Variants in RTN1 observed in about 807,000 individuals in gnomAD.
RTN1 encodes the protein reticulon 1.
In RTN1, 25 loss-of-function variants were observed where a neutral mutation model predicts 65.5. The ratio of observed to expected loss-of-function variants is 0.38; its 90% CI spans 0.28 to 0.53. The LOEUF (loss-of-function observed/expected upper bound fraction) is 0.53. RTN1 is among the 20% of genes least tolerant of loss of function. RTN1 has a pLI of 0.79. For missense variants in RTN1, 983 were observed against 1,025.4 expected (o/e 0.96, Z 0.57); for synonymous variants, 471 against 447.6 (o/e 1.05, Z -0.66).
chr14:59,669,655 A>T (rs145890397), intron 3 of RTN1, among the ~76,000 whole-genome samples: 184 of 152,254 alleles, frequency 1.2e-3, no homozygotes, highest in African/African-American at 4.2e-3. Context: ...TCTTATGATC[A>T]TGAGGAGATG....
chr14:59,762,267 T>G (rs749702396), intron 1 of RTN1, among the ~76,000 whole-genome samples: 2 of 152,152 alleles, frequency 1.3e-5, no homozygotes, highest in Non-Finnish European at 2.9e-5. Context: ...TGACCTTTAA[T>G]AAGTCATTAA....
intron 1 of RTN1, among the ~76,000 whole-genome samples, chr14:59,772,805 G>T (rs1885984231): frequency 8.0e-6 from 1 of 125,412 alleles, no homozygotes; most frequent in Non-Finnish European, 1.7e-5. Context: ...GTCAAAAAAG[G>T]ACTGGGTTTT....
chr14:59,625,859 G>A (rs187101666), intron 3 of RTN1, among the ~76,000 whole-genome samples: 12 of 152,138 alleles, frequency 7.9e-5, no homozygotes, highest in Admixed American at 5.9e-4. Flanking sequence ...ATTTTTCAAT[G>A]GAGTGATTGA....
At chr14:59,809,375 A>T (rs1174675968) in intron 1 of RTN1, among the ~76,000 whole-genome samples, 3 of 151,718 alleles carry the variant, frequency 2.0e-5, no homozygotes, top group Admixed American at 6.6e-5. Flanking sequence ...TATAAACTCA[A>T]TATATTTAGA....
chr14:59,606,102 T>TTATATATATATATATATATATATATA (rs1566658026), intron 4 of RTN1: 1 of 51,688 alleles, frequency 1.9e-5, no homozygotes, highest in African/African-American at 1.1e-4. Context: ...GGGAAAAACA[T>TTATATATATATATATATATATATATA]GATATATATA....
chr14:59,832,387 C>T (rs1887140863), intron 1 of RTN1, among the ~76,000 whole-genome samples: 1 of 152,020 alleles, frequency 6.6e-6, no homozygotes, highest in African/African-American at 2.4e-5. Context: ...ATGGTCCAAG[C>T]CCAAGTGGCT....
At chr14:59,764,406 C>T (rs578103044) in intron 1 of RTN1, among the ~76,000 whole-genome samples, 1 of 151,978 alleles carries the variant, frequency 6.6e-6, no homozygotes, top group African/African-American at 2.4e-5. Context: ...CTGCAACCTC[C>T]GCCTCCTAGG....
chr14:59,817,174 T>G (rs564992307), intron 1 of RTN1, among the ~76,000 whole-genome samples: 87 of 152,276 alleles, frequency 5.7e-4, no homozygotes, highest in Admixed American at 1.5e-3. Flanking sequence ...TGATGGTCCC[T>G]GTTCTCACAG....
intron 1 of RTN1, among the ~76,000 whole-genome samples, chr14:59,845,698 C>T (rs1887396104): frequency 6.6e-6 from 1 of 152,184 alleles, no homozygotes; most frequent in Non-Finnish European, 1.5e-5. Context: ...ACCCCTTCCC[C>T]AGGAAAATCT....
chr14:59,754,940 T>C (rs1165668687), intron 1 of RTN1, among the ~76,000 whole-genome samples: 9 of 152,058 alleles, frequency 5.9e-5, no homozygotes, highest in African/African-American at 2.2e-4. Context: ...TGGACATAGA[T>C]CCTGTCATGA....
At chr14:59,714,081 A>C (rs1952038) in intron 3 of RTN1, among the ~76,000 whole-genome samples, 1 of 152,120 alleles carries the variant, frequency 6.6e-6, no homozygotes, top group East Asian at 1.9e-4. Context: ...TAAAAATAAA[A>C]AAAATTGGCC....
intron 3 of RTN1, among the ~76,000 whole-genome samples, chr14:59,678,767 T>C (rs1883682168): frequency 6.6e-6 from 1 of 152,158 alleles, no homozygotes; most frequent in Admixed American, 6.5e-5. Context: ...ATGCTGATCT[T>C]CAGGTTTCTC....
rs867047560 is a variant in RTN1, at chr14:59,749,595, A to C, written c.242-3114T>G. ...TATATATATATAGATATTTATATAT[A>C]TATCTATCTATATATATTTATATAG... On this transcript the variant is annotated intron_variant, in intron 1 of 8. Coordinates refer to ENST00000267484, the MANE Select transcript of RTN1 (RefSeq NM_021136.3). Among the ~76,000 whole-genome samples the C allele has an allele frequency of 1.3e-3, 57 of 43,502 alleles. 4 individuals carry two copies. Among genetic ancestry groups the C allele is most frequent in the Admixed American group, 1.2e-3 (3 of 2,548 alleles). 28.5% of individuals were successfully genotyped at this position (43,502 alleles called of 152,430 possible).
intron 1 of RTN1, among the ~76,000 whole-genome samples, chr14:59,851,265 T>C (rs1887501565): frequency 6.6e-6 from 1 of 152,224 alleles, no homozygotes; most frequent in Admixed American, 6.5e-5. Context: ...ATGTGTTAAA[T>C]AATACACTTA....
Position 59,727,320 on chromosome 14 carries a change from C to A in RTN1, c.1364G>T (p.Arg455Met). The change falls in exon 3 of 9, where the codon AGG (arginine) becomes ATG (methionine). Residue 455 changes from arginine (R) to methionine (M), a missense_variant. By Grantham distance (91) the Arg-to-Met change is moderately conservative. Around this residue, in one of 2 missense-constraint regions of RTN1, gnomAD observed 818 missense variants for 801.8 expected, o/e 1.02. Transcript: ENST00000267484. This position sits in a 1 kb window ranked among gnomAD's most constrained non-coding sequence, Gnocchi z 4.2. ...GTCCAGCTCGGCCTCGCGCTCCTCC[C>A]TCAGGATGCTGTACTGGATGGATGG... is the stretch of plus-strand genomic sequence containing the variant. ...ASPSIQYSIL[R>M]EEREAELDSE... 1 of 1,498,510 alleles carries A rather than the reference C, an allele frequency of 6.7e-7. No homozygotes were observed. Among genetic ancestry groups the A allele is most frequent in the East Asian group, 2.4e-5 (1 of 40,842 alleles). The allele number at this position is 1,498,510 out of a possible 1,614,324, so 92.8% of individuals were successfully genotyped here.
intron 3 of RTN1, among the ~76,000 whole-genome samples, chr14:59,722,894 C>T (rs1365841271): frequency 6.6e-6 from 1 of 151,486 alleles, no homozygotes; most frequent in East Asian, 1.9e-4. Context: ...ACCTCCTGGG[C>T]TCAAGTGATC....
intron 1 of RTN1, among the ~76,000 whole-genome samples, chr14:59,751,396 T>C (rs2139529307): frequency 6.6e-6 from 1 of 152,210 alleles, no homozygotes; most frequent in African/African-American, 2.4e-5. Flanking sequence ...TCTTTCATTA[T>C]ATGGGCTCAG....
chr14:59,739,586 C>A (rs988756071), intron 2 of RTN1, among the ~76,000 whole-genome samples: 1 of 151,066 alleles, frequency 6.6e-6, no homozygotes, highest in Non-Finnish European at 1.5e-5. Flanking sequence ...AGGAGTATAA[C>A]CCATTAACAG....
At chr14:59,792,976 A>G (rs985701996) in intron 1 of RTN1, among the ~76,000 whole-genome samples, 4 of 152,172 alleles carry the variant, frequency 2.6e-5, no homozygotes, top group African/African-American at 7.2e-5. Flanking sequence ...GTAATACAAC[A>G]ATGAAAACTT....
Sources: gnomAD v4.1 joint callset for allele counts (sites outside exome capture counted in the v4.1 genomes callset) on GRCh38, gnomAD v4.1.1 for gene constraint, gnomAD v4.1.1 regional missense constraint, Gnocchi (gnomAD v3.1) non-coding constraint, MANE v1.5 for transcripts, NCBI Gene and HGNC (gene_info 2026-07-23, HGNC 2026-07-21) for gene names.